Variants in EPHB2 observed in about 807,000 individuals in gnomAD.
EPHB2 encodes the protein ephrin type-B receptor 2.
EPHB2 carries 18 observed loss-of-function variants against 96.4 expected under a neutral mutation model. That is an observed-to-expected ratio of 0.19 (90% CI 0.13 to 0.28). EPHB2 has a LOEUF of 0.28. EPHB2 is among the 10% of genes least tolerant of loss of function. The probability of loss-of-function intolerance (pLI) is 1.00; values close to 1 mark genes in which losing one functional copy is unlikely to be tolerated. For synonymous variants in EPHB2, 506 were observed against 534.1 expected, an observed-to-expected ratio of 0.95 and a Z score of 0.72; for missense variants, 989 against 1,355.4, an observed-to-expected ratio of 0.73 and a Z score of 4.25.
chr1:22,801,848 C>G (rs547662219), intron 3 of EPHB2, among the ~76,000 whole-genome samples: 8 of 152,242 alleles, frequency 5.3e-5, no homozygotes, highest in Non-Finnish European at 7.3e-5. Flanking sequence ...GACGCCCCTT[C>G]CCTTTGATTC....
At chr1:22,739,953 G>A (rs975029270) in intron 1 of EPHB2, among the ~76,000 whole-genome samples, 2 of 152,228 alleles carry the variant, frequency 1.3e-5, no homozygotes, top group Admixed American at 1.3e-4. Context: ...CGTCGGCTCA[G>A]ACTAGGATAA....
chr1:22,778,628 G>T (rs1468716697), intron 1 of EPHB2, among the ~76,000 whole-genome samples: 2 of 152,168 alleles, frequency 1.3e-5, no homozygotes, highest in African/African-American at 4.8e-5. Flanking sequence ...CTCCTCCCAA[G>T]GGGATCTGCA....
At chr1:22,827,562 C>G (rs568357016) in intron 3 of EPHB2, among the ~76,000 whole-genome samples, 1 of 152,354 alleles carries the variant, frequency 6.6e-6, no homozygotes, top group South Asian at 2.1e-4. Context: ...CCTGAAATCT[C>G]AATTTTCTCA....
At chr1:22,912,166 C>A (rs1326553784) in intron 14 of EPHB2, among the ~76,000 whole-genome samples, 1 of 152,192 alleles carries the variant, frequency 6.6e-6, no homozygotes, top group Non-Finnish European at 1.5e-5. Flanking sequence ...TTGGCCATCC[C>A]TGCAGTGCCT....
chr1:22,889,189 A>G (rs909001747), intron 6 of EPHB2, among the ~76,000 whole-genome samples: 4 of 152,158 alleles, frequency 2.6e-5, no homozygotes, highest in Admixed American at 1.3e-4. Context: ...ACAAAAATGA[A>G]AAATGAAACA....
rs1224998710 is a variant in EPHB2 at position 22,910,498 on chromosome 1, C to T, written c.2619C>T (p.Phe873=). The part of the protein sequence containing the change: ...WQKDRNHRPK[F]GQIVNTLDKM... Reference sequence around the variant, plus strand: ...AGGACCGCAACCACCGGCCCAAGTTCGGCCAAATTGTCAACACGCTAGACA... The same window carrying T: ...AGGACCGCAACCACCGGCCCAAGTTTGGCCAAATTGTCAACACGCTAGACA... The change falls in exon 14 of 16, where the codon TTC becomes TTT. Residue 873 remains phenylalanine, a synonymous_variant. Coordinates refer to ENST00000374630, the MANE Select transcript of EPHB2 (RefSeq NM_017449.5). 4 of 1,613,064 alleles carry T rather than the reference C, an allele frequency of 2.5e-6. No homozygotes were observed. Among genetic ancestry groups the T allele is most frequent in the Non-Finnish European group, 3.4e-6 (4 of 1,180,036 alleles).
chr1:22,823,698 A>C (rs1035403342), intron 3 of EPHB2, among the ~76,000 whole-genome samples: 18 of 152,228 alleles, frequency 1.2e-4, no homozygotes, highest in Admixed American at 1.2e-3. Context: ...AAGTAACTTC[A>C]CCTCTTTCAA....
Position 22,784,071 on chromosome 1 carries a change from C to G in EPHB2, c.127-321C>G, listed in dbSNP as rs928436393. Among the ~76,000 whole-genome samples the G allele has an allele frequency of 1.3e-5, 2 of 152,104 alleles. No homozygotes were observed. The highest frequency in any genetic ancestry group is 2.9e-5 in the Non-Finnish European group (2 of 68,012). On this transcript the variant is annotated intron_variant, in intron 2 of 15. Coordinates refer to ENST00000374630, the MANE Select transcript of EPHB2 (RefSeq NM_017449.5). This position sits in a 1 kb window ranked among gnomAD's most constrained non-coding sequence, Gnocchi z 5.1. ...ATGTCTACTTTCATCAGAAGGAGCT[C>G]CCTAAGTGGGGAAGGGTTCTCCCTA...
intron 3 of EPHB2, among the ~76,000 whole-genome samples, chr1:22,816,161 G>T (rs1019295716): frequency 2.6e-5 from 4 of 152,138 alleles, no homozygotes; most frequent in African/African-American, 9.7e-5. Context: ...TCCCCATCCA[G>T]AACTAGTTAA....
At chr1:22,798,490 GT>G (rs1164171908) in intron 3 of EPHB2, among the ~76,000 whole-genome samples, 1 of 151,348 alleles carries the variant, frequency 6.6e-6, no homozygotes, top group Non-Finnish European at 1.5e-5. Flanking sequence ...AACCACTATA[GT>G]TTCAGCTCCT....
At chr1:22,726,104 C>G (rs1437484774) in intron 1 of EPHB2, among the ~76,000 whole-genome samples, 4 of 152,178 alleles carry the variant, frequency 2.6e-5, no homozygotes, top group African/African-American at 9.7e-5. Flanking sequence ...CTCTAGGATG[C>G]TAGGGGACAT....
chr1:22,732,561 G>A (rs558257564), intron 1 of EPHB2, among the ~76,000 whole-genome samples: 51 of 152,174 alleles, frequency 3.4e-4, no homozygotes, highest in African/African-American at 1.0e-3. Context: ...ATATACACAC[G>A]CACACGAATG....
chr1:22,884,126 C>T (rs770077119), intron 6 of EPHB2, among the ~76,000 whole-genome samples: 26 of 152,188 alleles, frequency 1.7e-4, no homozygotes, highest in Non-Finnish European at 3.5e-4. Flanking sequence ...GCGGAGGGTG[C>T]CTGTGTCTCC....
chr1:22,784,475 C>T lies in EPHB2; in HGVS notation c.210C>T (p.Asn70=), dbSNP rs1355744617. Residue 70 remains asparagine (N), a synonymous_variant, in exon 3 of 16, where the codon AAC becomes AAT. Transcript: ENST00000374630. The surrounding 1 kb of genome is among the most constrained non-coding windows in gnomAD (Gnocchi z 5.1). Reference sequence around the variant, plus strand: ...GCAACGTGTTTGAGTCAAGCCAGAACAACTGGCTACGGACCAAGTTTATCC... The same window carrying T: ...GCAACGTGTTTGAGTCAAGCCAGAATAACTGGCTACGGACCAAGTTTATCC... ...QVCNVFESSQ[N]NWLRTKFIRR... 2.4e-5 allele frequency: 38 copies of T among 1,614,074 alleles called. No homozygotes were observed. The highest frequency in any genetic ancestry group is 3.1e-5 in the Non-Finnish European group (36 of 1,180,022).
intron 5 of EPHB2, among the ~76,000 whole-genome samples, chr1:22,881,893 A>G (rs1355674916): frequency 6.6e-6 from 1 of 152,144 alleles, no homozygotes; most frequent in Non-Finnish European, 1.5e-5. Flanking sequence ...GCACCCAGCC[A>G]TGTACTAAGG....
chr1:22,712,816 C>T lies in EPHB2; in HGVS notation c.61+1773C>T, dbSNP rs867673259. Among the ~76,000 whole-genome samples the T allele has an allele frequency of 1.2e-4, 19 of 152,298 alleles. No homozygotes were observed. In the Middle Eastern group the frequency reaches 0.02, roughly 164 times the overall value. On this transcript the variant is annotated intron_variant, in intron 1 of 15. Coordinates refer to ENST00000374630, the MANE Select transcript of EPHB2 (RefSeq NM_017449.5). ...TCTGGCTTTGGGGAAATGACTCATGCGTTGGCCCGCTATACATTGGGATGT... is the reference window on the plus strand; with the variant it reads ...TCTGGCTTTGGGGAAATGACTCATGTGTTGGCCCGCTATACATTGGGATGT...
chr1:22,888,042 G>T (rs768395843), intron 6 of EPHB2, among the ~76,000 whole-genome samples: 3 of 151,980 alleles, frequency 2.0e-5, no homozygotes, highest in Admixed American at 6.6e-5. Context: ...TTTGTTTTTT[G>T]GGGGTTTTTT....
intron 5 of EPHB2, among the ~76,000 whole-genome samples, chr1:22,874,502 G>A (rs1638774671): frequency 6.6e-6 from 1 of 152,210 alleles, no homozygotes. Flanking sequence ...CTTATGGGTA[G>A]GGCCAGGTAA....
intron 1 of EPHB2, among the ~76,000 whole-genome samples, chr1:22,750,250 A>G (rs1644041249): frequency 6.6e-6 from 1 of 152,162 alleles, no homozygotes; most frequent in Non-Finnish European, 1.5e-5. Context: ...CAGCCCTACA[A>G]TCCAGGGAAG....
Sources: allele counts gnomAD v4.1 joint callset (sites outside exome capture counted in the v4.1 genomes callset), GRCh38; gene constraint gnomAD v4.1.1; non-coding constraint Gnocchi (gnomAD v3.1); transcripts MANE v1.5; gene names NCBI Gene and HGNC (gene_info 2026-07-23, HGNC 2026-07-21).